The following HS6ST3 variants were observed in gnomAD, a reference collection of about 807,000 sequenced individuals.
The protein encoded by HS6ST3 is heparan-sulfate 6-O-sulfotransferase 3.
In HS6ST3, 12 loss-of-function variants were observed where a neutral mutation model predicts 36.7. The observed-to-expected ratio is 0.33, with a 90% CI of 0.21 to 0.53. The LOEUF is 0.53. HS6ST3 is among the 20% of genes least tolerant of loss of function. The pLI is 0.95. For synonymous variants in HS6ST3, 240 were observed against 257.5 expected, an observed-to-expected ratio of 0.93 and a Z score of 0.65; for missense variants, 584 against 640.9, an observed-to-expected ratio of 0.91 and a Z score of 0.96.
At chr13:96,482,514 A>G (rs1189026897) in intron 1 of HS6ST3, among the ~76,000 whole-genome samples, 1 of 146,902 alleles carries the variant, frequency 6.8e-6, no homozygotes, top group African/African-American at 2.5e-5. Flanking sequence ...TCCTATAGGG[A>G]CTAACTTTTT....
At chr13:96,639,021 G>C (rs1287089565) in intron 1 of HS6ST3, among the ~76,000 whole-genome samples, 1 of 152,014 alleles carries the variant, frequency 6.6e-6, no homozygotes, top group East Asian at 1.9e-4. Context: ...CACTTGAGAA[G>C]AACATGTAGT....
At chr13:96,432,533 T>C (rs1342684330) in intron 1 of HS6ST3, among the ~76,000 whole-genome samples, 1 of 152,198 alleles carries the variant, frequency 6.6e-6, no homozygotes, top group Non-Finnish European at 1.5e-5. Flanking sequence ...TTTTGTGGCA[T>C]TTGTATTCTT....
At chr13:96,586,401 T>C (rs1594812742) in intron 1 of HS6ST3, among the ~76,000 whole-genome samples, 1 of 152,128 alleles carries the variant, frequency 6.6e-6, no homozygotes, top group East Asian at 1.9e-4. Flanking sequence ...GTTCAAGTGA[T>C]TCTCCTGCTT....
chr13:96,131,780 A>G (rs2053976848), intron 1 of HS6ST3, among the ~76,000 whole-genome samples: 1 of 149,986 alleles, frequency 6.7e-6, no homozygotes, highest in African/African-American at 2.5e-5. Flanking sequence ...TTTATTACCT[A>G]GAAAATAAAA....
chr13:96,551,018 T>C (rs1338777367), intron 1 of HS6ST3, among the ~76,000 whole-genome samples: 2 of 152,202 alleles, frequency 1.3e-5, no homozygotes, highest in Non-Finnish European at 2.9e-5. Context: ...GAATTTAACC[T>C]TTAACTCTGT....
At chr13:96,267,644 C>T (rs139797027) in intron 1 of HS6ST3, among the ~76,000 whole-genome samples, 88 of 151,154 alleles carry the variant, frequency 5.8e-4, no homozygotes, top group African/African-American at 2.1e-3. Context: ...ATCTTAATTT[C>T]TTTTATGCTA....
intron 1 of HS6ST3, among the ~76,000 whole-genome samples, chr13:96,698,006 G>A (rs1490634819): frequency 6.6e-6 from 1 of 151,862 alleles, no homozygotes; most frequent in African/African-American, 2.4e-5. Context: ...TTCCAGAGAA[G>A]GATGTAATAT....
At chr13:96,573,912 C>T in intron 1 of HS6ST3, 2 of 511,200 alleles carry the variant, frequency 3.9e-6, no homozygotes, top group Non-Finnish European at 7.8e-6. Context: ...AATGGCAGCT[C>T]CACAAAGAAT....
chr13:96,646,974 G>A (rs2056590894), intron 1 of HS6ST3, among the ~76,000 whole-genome samples: 1 of 151,922 alleles, frequency 6.6e-6, no homozygotes, highest in Non-Finnish European at 1.5e-5. Context: ...AAGACATTTA[G>A]CATTTATTAT....
intron 1 of HS6ST3, among the ~76,000 whole-genome samples, chr13:96,554,211 G>A (rs1306686841): frequency 6.6e-6 from 1 of 152,146 alleles, no homozygotes; most frequent in Non-Finnish European, 1.5e-5. Context: ...AGGAGCAATA[G>A]AAAGAAACAG....
At chr13:96,788,264 C>T (rs1204825546) in intron 1 of HS6ST3, among the ~76,000 whole-genome samples, 3 of 151,896 alleles carry the variant, frequency 2.0e-5, no homozygotes, top group Admixed American at 2.0e-4. Context: ...TTACCTATAT[C>T]TATGAGACAT....
chr13:96,671,488 G>C (rs1057210833), intron 1 of HS6ST3, among the ~76,000 whole-genome samples: 3 of 152,028 alleles, frequency 2.0e-5, no homozygotes, highest in African/African-American at 7.2e-5. Context: ...CATGTGCTAG[G>C]GCTACTGTAA....
chr13:96,396,678 T>C (rs1379694093), intron 1 of HS6ST3, among the ~76,000 whole-genome samples: 3 of 152,162 alleles, frequency 2.0e-5, no homozygotes, highest in Non-Finnish European at 4.4e-5. Context: ...CATCAGTTGC[T>C]AAACACTTAC....
intron 1 of HS6ST3, among the ~76,000 whole-genome samples, chr13:96,222,414 A>G (rs894540186): frequency 1.3e-5 from 2 of 152,218 alleles, no homozygotes; most frequent in African/African-American, 4.8e-5. Context: ...ACCACAGGAA[A>G]TTAAAGAACA....
At chr13:96,786,598 G>A (rs1877658532) in intron 1 of HS6ST3, among the ~76,000 whole-genome samples, 1 of 152,076 alleles carries the variant, frequency 6.6e-6, no homozygotes. Flanking sequence ...CCTATTGGTG[G>A]TTACACAGAT....
chr13:96,625,909 C>T (rs2056510582), intron 1 of HS6ST3, among the ~76,000 whole-genome samples: 1 of 151,630 alleles, frequency 6.6e-6, no homozygotes, highest in Non-Finnish European at 1.5e-5. Flanking sequence ...GGCGCGATCT[C>T]GGCTCACTGC....
chr13:96,130,068 G>A lies in HS6ST3; in HGVS notation c.707+38499G>A, dbSNP rs547643499. On this transcript the variant is annotated intron_variant, in intron 1 of 1. Coordinates refer to ENST00000376705, the MANE Select transcript of HS6ST3 (RefSeq NM_153456.4). ...AATTCAGCTCTGTATTTAGAGAGGG[G>A]AAGATAATAGCAAAGAGTTTGAAAG... Among the ~76,000 whole-genome samples, 6 of 152,296 alleles carry A rather than the reference G, an allele frequency of 3.9e-5. No homozygotes were observed. The East Asian group carries it at 1.2e-3, about 29-fold the overall frequency.
At chr13:96,826,282 C>A in intron 1 of HS6ST3, among the ~76,000 whole-genome samples, 1 of 152,098 alleles carries the variant, frequency 6.6e-6, no homozygotes, top group Non-Finnish European at 1.5e-5. Flanking sequence ...ACTCCTTGCA[C>A]ACATTTTAGG....
At chr13:96,385,410 T>C (rs2055362736) in intron 1 of HS6ST3, among the ~76,000 whole-genome samples, 1 of 152,124 alleles carries the variant, frequency 6.6e-6, no homozygotes, top group Non-Finnish European at 1.5e-5. Flanking sequence ...TAGGAACATG[T>C]TAAAATCACA....
Sources: allele counts gnomAD v4.1 joint callset (sites outside exome capture counted in the v4.1 genomes callset), GRCh38; gene constraint gnomAD v4.1.1; transcripts MANE v1.5; gene names NCBI Gene and HGNC (gene_info 2026-07-23, HGNC 2026-07-21).